CNTN5: variants seen among roughly 807,000 people sequenced by gnomAD.
CNTN5 encodes the protein contactin-5.
Under a neutral mutation model 129.1 loss-of-function variants are expected in CNTN5, and 77 were observed. The observed-to-expected ratio is 0.60, with a 90% CI of 0.50 to 0.72. The LOEUF is 0.72. CNTN5 is among the 30% of genes least tolerant of loss of function. The pLI is 0.00. For missense variants in CNTN5, 1,478 were observed against 1,328.8 expected (o/e 1.11, Z -1.75); for synonymous variants, 509 against 465.6 (o/e 1.09, Z -1.20).
chr11:99,169,438 A>G, intron 1 of CNTN5, among the ~76,000 whole-genome samples: 1 of 119,778 alleles, frequency 8.3e-6, no homozygotes, highest in South Asian at 3.1e-4. Context: ...ATACGTACAT[A>G]TGTGTGTATA....
chr11:99,266,520 T>A (rs1170950187), intron 1 of CNTN5, among the ~76,000 whole-genome samples: 1 of 152,086 alleles, frequency 6.6e-6, no homozygotes, highest in Non-Finnish European at 1.5e-5. Flanking sequence ...GAGGATTGCT[T>A]GATCCTAGGA....
At chr11:99,459,546 C>T (rs968965286) in intron 2 of CNTN5, among the ~76,000 whole-genome samples, 1 of 151,902 alleles carries the variant, frequency 6.6e-6, no homozygotes, top group African/African-American at 2.4e-5. Flanking sequence ...AACTATGCTG[C>T]ATGCAAGGAA....
At chr11:99,150,400 A>T (rs1859998146) in intron 1 of CNTN5, among the ~76,000 whole-genome samples, 1 of 152,034 alleles carries the variant, frequency 6.6e-6, no homozygotes, top group Non-Finnish European at 1.5e-5. Context: ...TTCTCATAGA[A>T]GTAAAATATA....
At chr11:99,100,234 C>T (rs563778557) in intron 1 of CNTN5, among the ~76,000 whole-genome samples, 3 of 151,992 alleles carry the variant, frequency 2.0e-5, no homozygotes, top group South Asian at 4.2e-4. Context: ...CTCTCTCTTT[C>T]TTTCTCTTTC....
chr11:100,276,901 G>A (rs1467738319), intron 18 of CNTN5, among the ~76,000 whole-genome samples: 1 of 151,554 alleles, frequency 6.6e-6, no homozygotes, highest in Non-Finnish European at 1.5e-5. Flanking sequence ...CAAATACTAG[G>A]TCTTATTTAT....
intron 2 of CNTN5, among the ~76,000 whole-genome samples, chr11:99,456,871 A>G (rs1000172412): frequency 5.3e-5 from 8 of 152,058 alleles, no homozygotes; most frequent in Non-Finnish European, 1.2e-4. Flanking sequence ...AAAGAATATG[A>G]CTAGATATTT....
At chr11:99,989,336 T>G (rs145672550) in intron 8 of CNTN5, among the ~76,000 whole-genome samples, 2 of 152,328 alleles carry the variant, frequency 1.3e-5, no homozygotes, top group Admixed American at 1.3e-4. Context: ...CCCACTTTGC[T>G]TTCAAAGAAG....
At chr11:99,894,528 A>C (rs1395171659) in intron 6 of CNTN5, among the ~76,000 whole-genome samples, 4 of 145,722 alleles carry the variant, frequency 2.7e-5, no homozygotes, top group African/African-American at 9.9e-5. Flanking sequence ...AAAAAAAAAA[A>C]ACCAAAAAAC....
At chr11:100,262,091 C>A (rs1481044021) in intron 17 of CNTN5, among the ~76,000 whole-genome samples, 1 of 151,942 alleles carries the variant, frequency 6.6e-6, no homozygotes, top group Non-Finnish European at 1.5e-5. Flanking sequence ...AGAACTTAAA[C>A]AAATTTACAA....
At chr11:99,171,951 G>T (rs1278379819) in intron 1 of CNTN5, among the ~76,000 whole-genome samples, 1 of 152,172 alleles carries the variant, frequency 6.6e-6, no homozygotes. Flanking sequence ...GACTCAAATT[G>T]ATGTTCATGT....
chr11:100,230,260 T>C (rs556187229), intron 16 of CNTN5, among the ~76,000 whole-genome samples: 160 of 152,314 alleles, frequency 1.1e-3, no homozygotes, highest in Non-Finnish European at 1.8e-3. Flanking sequence ...TTCTGCACTA[T>C]TGTAGAAATA....
At chr11:99,523,194 C>T (rs1039892908) in intron 2 of CNTN5, among the ~76,000 whole-genome samples, 8 of 152,320 alleles carry the variant, frequency 5.3e-5, no homozygotes, top group African/African-American at 1.9e-4. Flanking sequence ...TGTTGACACT[C>T]TTCCTTTGTG....
intron 2 of CNTN5, among the ~76,000 whole-genome samples, chr11:99,335,858 G>A (rs148602865): frequency 6.0e-4 from 91 of 152,132 alleles, no homozygotes; most frequent in Non-Finnish European, 1.1e-3. Flanking sequence ...CTCGAGATGA[G>A]ACAATGAGTA....
intron 6 of CNTN5, among the ~76,000 whole-genome samples, chr11:99,892,252 A>G (rs1949082179): frequency 6.6e-6 from 1 of 152,008 alleles, no homozygotes; most frequent in Non-Finnish European, 1.5e-5. Context: ...ATAGATTGCA[A>G]AAATTTTCTT....
At chr11:99,103,723 G>T (rs1053423176) in intron 1 of CNTN5, among the ~76,000 whole-genome samples, 1 of 149,694 alleles carries the variant, frequency 6.7e-6, no homozygotes, top group African/African-American at 2.5e-5. Context: ...GATCTTTCTT[G>T]TTTAACCAGG....
chr11:99,954,799 G>T (rs554324304), intron 7 of CNTN5, among the ~76,000 whole-genome samples: 1 of 152,076 alleles, frequency 6.6e-6, no homozygotes, highest in Non-Finnish European at 1.5e-5. Context: ...CTTCTATTGC[G>T]TACTATTTCT....
At chr11:99,136,694 G>C (rs1238025025) in intron 1 of CNTN5, among the ~76,000 whole-genome samples, 6 of 152,052 alleles carry the variant, frequency 3.9e-5, no homozygotes, top group Non-Finnish European at 8.8e-5. Context: ...TCAAATAAGA[G>C]ATAGGAAGAG....
chr11:99,581,211 T>G (rs1949575037), intron 3 of CNTN5, among the ~76,000 whole-genome samples: 2 of 103,502 alleles, frequency 1.9e-5, no homozygotes, highest in East Asian at 3.1e-4. Context: ...TTGTTATAAT[T>G]TCTGTTCTTT....
At chr11:100,351,733 A>T (rs1952419497) in intron 24 of CNTN5, among the ~76,000 whole-genome samples, 1 of 151,226 alleles carries the variant, frequency 6.6e-6, no homozygotes, top group Non-Finnish European at 1.5e-5. Flanking sequence ...TGAGAACATT[A>T]TGAAACATTT....
Sources: allele counts gnomAD v4.1 joint callset (sites outside exome capture counted in the v4.1 genomes callset), GRCh38; gene constraint gnomAD v4.1.1; transcripts MANE v1.5; gene names NCBI Gene and HGNC (gene_info 2026-07-23, HGNC 2026-07-21).